Variants in PNKD observed in about 807,000 individuals in gnomAD.
The protein encoded by PNKD is probable thioesterase PNKD.
In PNKD, 36 loss-of-function variants were observed where a neutral mutation model predicts 45.3. The observed-to-expected ratio is 0.80, with a 90% CI of 0.61 to 1.05. PNKD has a LOEUF of 1.05. Among genes scored for constraint, PNKD ranks in the 50% least tolerant of loss-of-function variants. The probability of loss-of-function intolerance (pLI) is 0.00; values close to 1 mark genes in which losing one functional copy is unlikely to be tolerated. For synonymous variants in PNKD, 197 were observed against 210.1 expected, an observed-to-expected ratio of 0.94 and a Z score of 0.54; for missense variants, 511 against 506.6, an observed-to-expected ratio of 1.01 and a Z score of -0.08.
At chr2:218,282,829 G>A (rs888737372) in intron 2 of PNKD, among the ~76,000 whole-genome samples, 3 of 152,258 alleles carry the variant, frequency 2.0e-5, no homozygotes, top group Non-Finnish European at 4.4e-5. Flanking sequence ...TGGTACAGGG[G>A]CTGGGGGCAG....
At chr2:218,281,427 G>A (rs999646123) in intron 2 of PNKD, among the ~76,000 whole-genome samples, 3 of 152,184 alleles carry the variant, frequency 2.0e-5, no homozygotes, top group Admixed American at 6.5e-5. Context: ...GTGAGCCACC[G>A]CGGCCGGCCT....
intron 2 of PNKD, among the ~76,000 whole-genome samples, chr2:218,315,010 CTT>C (rs55633641): frequency 1.4e-3 from 27 of 19,940 alleles, no homozygotes; most frequent in Non-Finnish European, 2.1e-3. Context: ...TTCTTTCTTT[CTT>C]TTTCTTTCTT....
chr2:218,321,467 A>C (rs548448525), intron 2 of PNKD, among the ~76,000 whole-genome samples: 1 of 152,116 alleles, frequency 6.6e-6, no homozygotes, highest in South Asian at 2.1e-4. Context: ...GTCCCTCAAG[A>C]TGTACCCACA....
At chr2:218,314,221 G>GC (rs1693701635) in intron 2 of PNKD, among the ~76,000 whole-genome samples, 1 of 57,018 alleles carries the variant, frequency 1.8e-5, no homozygotes, top group African/African-American at 1.2e-4. Context: ...CCGCGCCCTG[G>GC]CTTTTTTTTT....
At chr2:218,320,525 G>A (rs1225221194) in intron 2 of PNKD, among the ~76,000 whole-genome samples, 2 of 152,142 alleles carry the variant, frequency 1.3e-5, no homozygotes, top group Admixed American at 1.3e-4. Flanking sequence ...CTATGATTGT[G>A]CCACTGCACT....
At chr2:218,292,523 C>CGGGCAGGGCTAGGCTCGGCT (rs1693007162) in intron 2 of PNKD, 1 of 152,044 alleles carries the variant, frequency 6.6e-6, no homozygotes, top group Non-Finnish European at 1.5e-5. Context: ...CCTCCGGGGC[C>CGGGCAGGGCTAGGCTCGGCT]GGGCAGGGCT....
At position 218,344,969 on chromosome 2, in the gene PNKD, C is replaced by G. The variant is rs1157053840; in HGVS notation, c.1146C>G (p.His382Gln). ...LEELRRLKDM[H>Q]KSK is the part of the protein sequence containing the mutation. ...AGCTCCGCCGGCTGAAGGATATGCACAAGAGCAAGTGATGCCCCCAGCGCC... is the reference window on the plus strand; with the variant it reads ...AGCTCCGCCGGCTGAAGGATATGCAGAAGAGCAAGTGATGCCCCCAGCGCC... Residue 382 changes from histidine to glutamine, a missense_variant, in exon 10 of 10, where the codon CAC (histidine) becomes CAG (glutamine). Physicochemically the swap from His to Gln is conservative, Grantham distance 24. Transcript: ENST00000273077. 9.3e-6 allele frequency: 15 copies of G among 1,613,070 alleles called. No homozygotes were observed. The highest frequency in any genetic ancestry group is 1.3e-5 in the Non-Finnish European group (15 of 1,179,536).
chr2:218,306,962 A>G (rs2106256383), intron 2 of PNKD, among the ~76,000 whole-genome samples: 1 of 152,362 alleles, frequency 6.6e-6, no homozygotes, highest in Non-Finnish European at 1.5e-5. Flanking sequence ...AATGCATTAA[A>G]TACACCTAAA....
intron 2 of PNKD, chr2:218,272,975 G>A: frequency 2.1e-6 from 3 of 1,399,414 alleles, no homozygotes; most frequent in Admixed American, 2.5e-5. Flanking sequence ...AGTCCCTTGG[G>A]ATGGGAGGGG....
intron 2 of PNKD, chr2:218,277,871 C>T (rs3817266): frequency 0.39 from 626,716 of 1,606,438 alleles, 123,808 homozygotes; most frequent in Middle Eastern, 0.49. Context: ...GGTCCCCATC[C>T]CTTCCCTGGG....
At chr2:218,277,111 C>A (rs1426577300) in intron 2 of PNKD, 1 of 1,612,416 alleles carries the variant, frequency 6.2e-7, no homozygotes, top group African/African-American at 1.3e-5. Context: ...TGCCAGGAAG[C>A]AAGAAAGAGG....
At chr2:218,293,272 T>C (rs1693041611) in intron 2 of PNKD, among the ~76,000 whole-genome samples, 1 of 152,212 alleles carries the variant, frequency 6.6e-6, no homozygotes, top group Admixed American at 6.5e-5. Context: ...GGAAACAGTT[T>C]TGAGGAAGTT....
At chr2:218,313,537 A>G (rs1035949015) in intron 2 of PNKD, among the ~76,000 whole-genome samples, 1 of 152,210 alleles carries the variant, frequency 6.6e-6, no homozygotes, top group Non-Finnish European at 1.5e-5. Flanking sequence ...TTTAAATACC[A>G]TTTAAAAGGA....
chr2:218,275,380 G>A, intron 2 of PNKD: 1 of 1,475,162 alleles, frequency 6.8e-7, no homozygotes, highest in Non-Finnish European at 9.0e-7. Context: ...TCAAGGGGAA[G>A]GAAAGGGGCC....
At chr2:218,320,008 A>G (rs1252506972) in intron 2 of PNKD, among the ~76,000 whole-genome samples, 1 of 152,226 alleles carries the variant, frequency 6.6e-6, no homozygotes, top group Non-Finnish European at 1.5e-5. Flanking sequence ...TGAGCGTGGC[A>G]CATTTGAGGA....
intron 2 of PNKD, among the ~76,000 whole-genome samples, chr2:218,307,782 A>G (rs142691569): frequency 6.6e-6 from 1 of 152,286 alleles, no homozygotes; most frequent in Non-Finnish European, 1.5e-5. Flanking sequence ...TAGAGCTAGC[A>G]GAAGGGGAGC....
intron 2 of PNKD, among the ~76,000 whole-genome samples, chr2:218,278,719 G>A (rs942430558): frequency 6.6e-6 from 1 of 152,190 alleles, no homozygotes; most frequent in African/African-American, 2.4e-5. Context: ...CCCAGCCAGG[G>A]TCACTGAGAT....
intron 2 of PNKD, among the ~76,000 whole-genome samples, chr2:218,333,072 A>G (rs369216725): frequency 6.6e-6 from 1 of 152,140 alleles, no homozygotes; most frequent in East Asian, 1.9e-4. Context: ...CCCTGTCTAC[A>G]GTAGGGCCTC....
chr2:218,313,682 A>T (rs1349851239), intron 2 of PNKD, among the ~76,000 whole-genome samples: 6 of 152,196 alleles, frequency 3.9e-5, no homozygotes, highest in Non-Finnish European at 8.8e-5. Flanking sequence ...GATCCCTAAA[A>T]CAGAATTACT....
Sources: allele counts gnomAD v4.1 joint callset (sites outside exome capture counted in the v4.1 genomes callset), GRCh38; gene constraint gnomAD v4.1.1; transcripts MANE v1.5; gene names NCBI Gene and HGNC (gene_info 2026-07-23, HGNC 2026-07-21).